Variants in BRD10 observed in about 807,000 individuals in gnomAD.
BRD10 encodes the protein uncharacterized bromodomain-containing protein 10.
the BRD10 span, among the ~76,000 whole-genome samples, chr9:5,979,524 C>CA: frequency 4.9e-4 from 71 of 144,068 alleles, 1 homozygote; most frequent in Admixed American, 1.2e-3. Context: ...AACCCACAAA[C>CA]AAAAAAAAAA....
the BRD10 span, among the ~76,000 whole-genome samples, chr9:5,940,411 T>A: frequency 1.1e-4 from 17 of 152,192 alleles, no homozygotes; most frequent in East Asian, 3.3e-3. Context: ...GCCAGGCTGG[T>A]CTCGAACTCC....
At chr9:5,910,413 T>C in the BRD10 span, 1 of 152,256 alleles carries the variant, frequency 6.6e-6, no homozygotes, top group Non-Finnish European at 1.5e-5. Flanking sequence ...CTTCTGATAC[T>C]GTCAAGTCTT....
At chr9:5,894,783 C>T in the BRD10 span, among the ~76,000 whole-genome samples, 1 of 152,140 alleles carries the variant, frequency 6.6e-6, no homozygotes, top group African/African-American at 2.4e-5. The surrounding 1 kb of genome is among the most constrained non-coding windows in gnomAD (Gnocchi z 4.0). Flanking sequence ...CTCTAGAGTA[C>T]TCTAATGGGA....
the BRD10 span, among the ~76,000 whole-genome samples, chr9:5,987,563 A>C: frequency 6.6e-6 from 1 of 152,228 alleles, no homozygotes; most frequent in Non-Finnish European, 1.5e-5. Flanking sequence ...TGGAAAAAGT[A>C]TGATGGTAGA....
the BRD10 span, among the ~76,000 whole-genome samples, chr9:5,967,671 C>A: frequency 1.5e-5 from 2 of 136,432 alleles, no homozygotes; most frequent in Non-Finnish European, 3.1e-5. Flanking sequence ...GCTTTTCCTA[C>A]TACACTGTAC....
At chr9:5,987,797 C>A in the BRD10 span, among the ~76,000 whole-genome samples, 1 of 152,028 alleles carries the variant, frequency 6.6e-6, no homozygotes, top group African/African-American at 2.4e-5. Flanking sequence ...GTGTCACTTA[C>A]CTCTCTGGGC....
the BRD10 span, among the ~76,000 whole-genome samples, chr9:5,985,922 C>A: frequency 5.8e-4 from 88 of 152,032 alleles, no homozygotes; most frequent in African/African-American, 2.0e-3. Context: ...ATGGCTAATT[C>A]TTTAAAAAAA....
the BRD10 span, among the ~76,000 whole-genome samples, chr9:5,949,659 G>A: frequency 1.3e-5 from 2 of 152,042 alleles, no homozygotes; most frequent in African/African-American, 4.8e-5. Context: ...TTTTTTTTTG[G>A]TTATTGTTGA....
chr9:5,994,655 TCTC>T, the BRD10 span, among the ~76,000 whole-genome samples: 8 of 152,134 alleles, frequency 5.3e-5, no homozygotes, highest in Non-Finnish European at 1.0e-4. Flanking sequence ...ACTAACCTCT[TCTC>T]TTATCTCCCT....
the BRD10 span, among the ~76,000 whole-genome samples, chr9:5,939,744 T>G: frequency 1.3e-5 from 2 of 152,200 alleles, no homozygotes; most frequent in African/African-American, 2.4e-5. Context: ...TCAGCACAAC[T>G]GACATTTGGG....
At chr9:5,922,232 A>G in the BRD10 span, 1 of 1,613,976 alleles carries the variant, frequency 6.2e-7, no homozygotes, top group Non-Finnish European at 8.5e-7. Flanking sequence ...CTGTTGTGCA[A>G]AACAGTTGAA....
At chr9:5,887,623 A>G in the BRD10 span, among the ~76,000 whole-genome samples, 1 of 152,164 alleles carries the variant, frequency 6.6e-6, no homozygotes, top group African/African-American at 2.4e-5. Flanking sequence ...ACTCACCACC[A>G]GGACTTTCTG....
At chr9:5,901,987 A>G in the BRD10 span, among the ~76,000 whole-genome samples, 1 of 150,748 alleles carries the variant, frequency 6.6e-6, no homozygotes, top group African/African-American at 2.4e-5. Flanking sequence ...TCTTTTTGCA[A>G]TATCTGTCTG....
chr9:5,888,731 A>G, the BRD10 span, among the ~76,000 whole-genome samples: 1 of 152,232 alleles, frequency 6.6e-6, no homozygotes, highest in Non-Finnish European at 1.5e-5. Context: ...TACACTAGAA[A>G]TTGCCGAAGA....
At chr9:5,941,467 T>C in the BRD10 span, among the ~76,000 whole-genome samples, 1 of 152,308 alleles carries the variant, frequency 6.6e-6, no homozygotes, top group South Asian at 2.1e-4. Context: ...GGTCTCACTT[T>C]TAACAAATAC....
the BRD10 span, chr9:5,892,599 G>T: frequency 6.5e-7 from 1 of 1,535,962 alleles, no homozygotes; most frequent in Non-Finnish European, 8.9e-7. Flanking sequence ...GCCGTTTGCT[G>T]ACACAGCCTG....
the BRD10 span, chr9:5,892,579 C>T: frequency 1.2e-6 from 2 of 1,601,766 alleles, no homozygotes; most frequent in Non-Finnish European, 1.7e-6. Context: ...CCCAGCAGGG[C>T]TTCCAGTTTG....
the BRD10 span, among the ~76,000 whole-genome samples, chr9:5,936,589 A>G: frequency 6.6e-6 from 1 of 152,112 alleles, no homozygotes; most frequent in African/African-American, 2.4e-5. Flanking sequence ...ATTTTCCTTC[A>G]ATATATGATG....
At chr9:5,940,274 G>A in the BRD10 span, among the ~76,000 whole-genome samples, 1 of 152,062 alleles carries the variant, frequency 6.6e-6, no homozygotes, top group Admixed American at 6.6e-5. Flanking sequence ...GCTCACTGCA[G>A]CCTCTGCCTC....
Sources: allele counts gnomAD v4.1 joint callset (sites outside exome capture counted in the v4.1 genomes callset), GRCh38; gene constraint gnomAD v4.1.1; non-coding constraint Gnocchi (gnomAD v3.1); transcripts MANE v1.5; gene names NCBI Gene and HGNC (gene_info 2026-07-23, HGNC 2026-07-21).